The following HTR7 variants were observed in gnomAD, a reference collection of about 807,000 sequenced individuals.
HTR7 encodes the protein 5-hydroxytryptamine receptor 7, also known as 5-HT-7.
In HTR7, 16 loss-of-function variants were observed where a neutral mutation model predicts 34.0. That is an observed-to-expected ratio of 0.47 (90% CI 0.32 to 0.71). The LOEUF (loss-of-function observed/expected upper bound fraction) is 0.71, where lower values mean the gene tolerates loss of function less well. Ranked by LOEUF, HTR7 falls within the 30% of genes least tolerant of loss-of-function variation. HTR7 has a pLI of 0.04. For synonymous variants in HTR7, 265 were observed against 260.2 expected, an observed-to-expected ratio of 1.02 and a Z score of -0.18; for missense variants, 504 against 625.5, an observed-to-expected ratio of 0.81 and a Z score of 2.07.
At chr10:90,808,743 T>C (rs1432007484) in intron 1 of HTR7, among the ~76,000 whole-genome samples, 3 of 152,124 alleles carry the variant, frequency 2.0e-5, no homozygotes, top group Non-Finnish European at 4.4e-5. Context: ...CCTTAGCCTG[T>C]GTTCTCAAAA....
intron 1 of HTR7, among the ~76,000 whole-genome samples, chr10:90,800,847 A>G (rs372937893): frequency 6.6e-6 from 1 of 152,224 alleles, no homozygotes; most frequent in East Asian, 1.9e-4. Context: ...GCATGCCCTC[A>G]GGGTGGCTCA....
In HTR7 at chr10:90,749,891, G is replaced by T. The variant is rs1247311945; in HGVS notation, c.540-297C>A. Among the ~76,000 whole-genome samples the T allele has an allele frequency of 6.6e-6, 1 of 152,058 alleles. No homozygotes were observed. Among genetic ancestry groups the T allele is most frequent in the African/African-American group, 2.4e-5 (1 of 41,398 alleles). ...CCACGAAGTCAACAAAGTTTAAAAA[G>T]CTCTCCGTCCCCATGACCACAGCCA... On this transcript the variant is annotated intron_variant, in intron 1 of 3. Coordinates refer to ENST00000336152, the MANE Select transcript of HTR7 (RefSeq NM_019859.4). This position sits in a 1 kb window ranked among gnomAD's most constrained non-coding sequence, Gnocchi z 4.2.
At chr10:90,844,450 G>A (rs763749268) in intron 1 of HTR7, among the ~76,000 whole-genome samples, 2 of 152,040 alleles carry the variant, frequency 1.3e-5, no homozygotes, top group Non-Finnish European at 2.9e-5. Context: ...GTCTGGCCGG[G>A]CGCAGTGGCT....
chr10:90,784,884 G>A (rs893909651), intron 1 of HTR7, among the ~76,000 whole-genome samples: 6 of 152,112 alleles, frequency 3.9e-5, no homozygotes, highest in African/African-American at 1.2e-4. Flanking sequence ...TCCTATTCAC[G>A]TTGTCAACCA....
At chr10:90,753,656 T>C (rs1213723491) in intron 1 of HTR7, among the ~76,000 whole-genome samples, 2 of 152,050 alleles carry the variant, frequency 1.3e-5, no homozygotes, top group African/African-American at 2.4e-5. Context: ...AAATGACTAA[T>C]GTGCAGACAT....
chr10:90,745,326 G>T (rs1483680514), intron 2 of HTR7, among the ~76,000 whole-genome samples: 3 of 152,188 alleles, frequency 2.0e-5, no homozygotes, highest in Non-Finnish European at 4.4e-5. Flanking sequence ...TTACATGGTA[G>T]AAGGTATGAA....
Position 90,741,419 on chromosome 10 carries a change from T to C in HTR7, c.*1063A>G, listed in dbSNP as rs1163101146. The C allele has an allele frequency of 6.6e-6, 1 of 152,308 alleles. No homozygotes were observed. Among genetic ancestry groups the C allele is most frequent in the Non-Finnish European group, 1.5e-5 (1 of 68,016 alleles). 9.4% of individuals were successfully genotyped at this position (152,308 alleles called of 1,614,324 possible). ...GCTTAGGCACACATTTGATTTAAGA[T>C]ACATAGAACACAAAAACAAATTCTC... On this transcript the variant is annotated 3_prime_UTR_variant, in exon 4 of 4. Transcript: ENST00000336152.
intron 1 of HTR7, among the ~76,000 whole-genome samples, chr10:90,838,851 C>T (rs1846287431): frequency 6.6e-6 from 1 of 152,204 alleles, no homozygotes; most frequent in Admixed American, 6.5e-5. Flanking sequence ...CACTCTTACA[C>T]ATTGCCCTAT....
In HTR7 at chr10:90,742,541, G is replaced by A. The variant is rs761110958; in HGVS notation, c.1394-13C>T. 28 of 1,556,502 alleles carry A rather than the reference G, an allele frequency of 1.8e-5. No individual in the cohort carries two copies. In the South Asian group the frequency reaches 3.2e-4, roughly 18 times the overall value. ...GTCAGCATTTTGTCTAAAAAAAAGA[G>A]AGAGAAAAATAGAAAATAATTTAGT... On this transcript the variant is annotated splice_polypyrimidine_tract_variant and intron_variant, in intron 3 of 3. Transcript: ENST00000336152.
intron 1 of HTR7, among the ~76,000 whole-genome samples, chr10:90,815,682 A>G (rs1360415029): frequency 2.0e-5 from 3 of 152,116 alleles, no homozygotes; most frequent in African/African-American, 7.2e-5. Context: ...ACGTTTACCT[A>G]CGTAACAAAC....
intron 1 of HTR7, among the ~76,000 whole-genome samples, chr10:90,856,143 A>G (rs1327379693): frequency 6.6e-6 from 1 of 152,228 alleles, no homozygotes; most frequent in Non-Finnish European, 1.5e-5. Flanking sequence ...TAAGAAAATA[A>G]GCAACCATTT....
At chr10:90,842,348 C>A (rs1846341851) in intron 1 of HTR7, among the ~76,000 whole-genome samples, 2 of 152,138 alleles carry the variant, frequency 1.3e-5, no homozygotes, top group Non-Finnish European at 2.9e-5. Context: ...CTGTGAGAAA[C>A]AAATTTCTGT....
intron 1 of HTR7, among the ~76,000 whole-genome samples, chr10:90,766,646 T>C (rs1412092236): frequency 6.6e-6 from 1 of 152,234 alleles, no homozygotes; most frequent in African/African-American, 2.4e-5. Flanking sequence ...AACCTGAAGA[T>C]TTTTTGTAGT....
chr10:90,751,759 T>C (rs569123805), intron 1 of HTR7, among the ~76,000 whole-genome samples: 19 of 152,226 alleles, frequency 1.2e-4, no homozygotes, highest in Non-Finnish European at 2.5e-4. Context: ...ATTCACAACC[T>C]AGTAAACTCC....
chr10:90,780,109 C>T lies in HTR7; in HGVS notation c.540-30515G>A, dbSNP rs577181622. 3.9e-5 allele frequency among the ~76,000 whole-genome samples: 6 copies of T among 152,250 alleles called. No homozygotes were observed. In the East Asian group the frequency reaches 9.7e-4, roughly 25 times the overall value. On this transcript the variant is annotated intron_variant, in intron 1 of 3. Transcript: ENST00000336152. ...AAATTTCAAGTATGAGGCCAGGTGT[C>T]GTGGCTCACACCTGAAATCCCAGCA...
intron 1 of HTR7, among the ~76,000 whole-genome samples, chr10:90,807,970 T>C (rs1346983643): frequency 6.6e-6 from 1 of 152,212 alleles, no homozygotes; most frequent in Non-Finnish European, 1.5e-5. Context: ...AATCTCTCCC[T>C]TCTTTCAATT....
rs1176162060 is a variant in HTR7, at chr10:90,823,319, G to A, written c.539+33814C>T. On this transcript the variant is annotated intron_variant, in intron 1 of 3. Transcript: ENST00000336152. ...GGGAGCCCATCCCTTGTGTCAGTAT[G>A]GCCTACAAATGAGACATGGAGTCAA... 2.0e-5 allele frequency among the ~76,000 whole-genome samples: 3 copies of A among 152,226 alleles called. No individual in the cohort carries two copies. In the East Asian group the frequency reaches 5.8e-4, roughly 29 times the overall value.
intron 1 of HTR7, among the ~76,000 whole-genome samples, chr10:90,757,948 A>C (rs1307847998): frequency 2.0e-5 from 3 of 152,232 alleles, no homozygotes; most frequent in Non-Finnish European, 4.4e-5. Flanking sequence ...TTAAAACAGC[A>C]GAATGAGATA....
intron 1 of HTR7, among the ~76,000 whole-genome samples, chr10:90,810,783 T>G (rs555115610): frequency 6.6e-6 from 1 of 152,318 alleles, no homozygotes; most frequent in South Asian, 2.1e-4. Flanking sequence ...TGGGCTGTAC[T>G]GCCGCAAGGC....
Sources: gnomAD v4.1 joint callset for allele counts (sites outside exome capture counted in the v4.1 genomes callset) on GRCh38, gnomAD v4.1.1 for gene constraint, Gnocchi (gnomAD v3.1) non-coding constraint, MANE v1.5 for transcripts, NCBI Gene and HGNC (gene_info 2026-07-23, HGNC 2026-07-21) for gene names.